The following GRAMD1B variants were observed in gnomAD, a reference collection of about 807,000 sequenced individuals.
GRAMD1B encodes the protein protein Aster-B.
A neutral mutation model predicts 99.7 loss-of-function variants in GRAMD1B; 37 were observed. The observed-to-expected ratio is 0.37, with a 90% CI of 0.29 to 0.49. The LOEUF is 0.49. Ranked by LOEUF, GRAMD1B falls within the 20% of genes least tolerant of loss-of-function variation. GRAMD1B has a pLI of 0.98. For synonymous variants in GRAMD1B, 427 were observed against 387.6 expected, an observed-to-expected ratio of 1.10 and a Z score of -1.19; for missense variants, 888 against 1,009.2, an observed-to-expected ratio of 0.88 and a Z score of 1.63.
intron 3 of GRAMD1B, among the ~76,000 whole-genome samples, chr11:123,582,610 A>G (rs894108615): frequency 1.3e-5 from 2 of 152,198 alleles, no homozygotes; most frequent in Admixed American, 6.5e-5. Context: ...GCTGCTCAGA[A>G]GCAGCCCCAC....
At chr11:123,411,408 A>C (rs1056476814) in intron 1 of GRAMD1B, among the ~76,000 whole-genome samples, 3 of 152,228 alleles carry the variant, frequency 2.0e-5, no homozygotes, top group African/African-American at 7.2e-5. Flanking sequence ...AATATCTGCA[A>C]CAGATAGCTA....
At position 123,608,773 on chromosome 11, in the gene GRAMD1B, G is replaced by C; in HGVS notation, c.1628G>C (p.Arg543Pro). The change falls in exon 12 of 20, where the codon CGG becomes CCG. Residue 543 changes from arginine to proline, a missense_variant. Arg to Pro is a moderately radical substitution (Grantham distance 103). Transcript: ENST00000635736. The stretch of plus-strand genomic sequence containing the variant: ...CTCTTCACCAACTCGCCCTTCCAGC[G>C]GGATTTCATGGAGCAGCGGCGCTTC... ...DLLFTNSPFQ[R>P]DFMEQRRFSD... 1 of 1,551,348 alleles carries C rather than the reference G, an allele frequency of 6.4e-7. No individual in the cohort carries two copies. Among genetic ancestry groups the C allele is most frequent in the Non-Finnish European group, 8.7e-7 (1 of 1,146,914 alleles).
intron 17 of GRAMD1B, among the ~76,000 whole-genome samples, chr11:123,616,120 G>A (rs1406848203): frequency 6.6e-6 from 1 of 152,094 alleles, no homozygotes; most frequent in Non-Finnish European, 1.5e-5. Context: ...TCAGGAGATC[G>A]AGACCATCCT....
intron 2 of GRAMD1B, among the ~76,000 whole-genome samples, chr11:123,574,894 T>C (rs1320468344): frequency 6.6e-6 from 1 of 151,826 alleles, no homozygotes; most frequent in Non-Finnish European, 1.5e-5. Context: ...GTAGCAAGAG[T>C]TGAGACAGTA....
chr11:123,535,816 A>C (rs2135612083), intron 2 of GRAMD1B, among the ~76,000 whole-genome samples: 1 of 152,278 alleles, frequency 6.6e-6, no homozygotes, highest in African/African-American at 2.4e-5. Flanking sequence ...CTCTTTTAAA[A>C]ATCTATGGCA....
At chr11:123,445,716 C>G (rs1949607338) in intron 1 of GRAMD1B, among the ~76,000 whole-genome samples, 1 of 147,786 alleles carries the variant, frequency 6.8e-6, no homozygotes, top group South Asian at 2.2e-4. Flanking sequence ...ACTCGGGAGG[C>G]TGAGGTGGAT....
intron 1 of GRAMD1B, among the ~76,000 whole-genome samples, chr11:123,467,432 TTG>T (rs1950743260): frequency 7.2e-6 from 1 of 138,946 alleles, no homozygotes; most frequent in Admixed American, 7.6e-5. Flanking sequence ...CTTTCACTGG[TTG>T]TGCCTAAATG....
chr11:123,490,450 A>G (rs1482161103), intron 2 of GRAMD1B, among the ~76,000 whole-genome samples: 1 of 152,202 alleles, frequency 6.6e-6, no homozygotes, highest in African/African-American at 2.4e-5. Flanking sequence ...ACGGGAGATG[A>G]CAGGATCAGA....
chr11:123,596,392 A>T (rs1354401059), intron 7 of GRAMD1B, among the ~76,000 whole-genome samples: 1 of 152,276 alleles, frequency 6.6e-6, no homozygotes, highest in African/African-American at 2.4e-5. Flanking sequence ...GAAAACATAT[A>T]TGAAAATTGT....
At chr11:123,535,400 AG>A (rs1178603350) in intron 2 of GRAMD1B, among the ~76,000 whole-genome samples, 2 of 152,124 alleles carry the variant, frequency 1.3e-5, no homozygotes, top group Non-Finnish European at 2.9e-5. Context: ...AAAACTGAAG[AG>A]GTGATGCTCT....
chr11:123,387,734 G>A (rs1015293097), intron 1 of GRAMD1B, among the ~76,000 whole-genome samples: 5 of 17,902 alleles, frequency 2.8e-4, no homozygotes, highest in East Asian at 2.9e-3. Flanking sequence ...CACCCGCCCC[G>A]CCCCACAAGT....
At chr11:123,501,349 T>G (rs1195245801) in intron 2 of GRAMD1B, among the ~76,000 whole-genome samples, 1 of 151,916 alleles carries the variant, frequency 6.6e-6, no homozygotes, top group Non-Finnish European at 1.5e-5. Context: ...TTTTTAATTT[T>G]TACTAGAGAT....
intron 3 of GRAMD1B, among the ~76,000 whole-genome samples, chr11:123,582,987 TGTGTGTGTGTGCATGCGCAA>T (rs1161274420): frequency 1.3e-5 from 2 of 151,814 alleles, no homozygotes; most frequent in African/African-American, 4.8e-5. Flanking sequence ...AGCTTAGGCA[TGTGTGTGTGTGCATGCGCAA>T]GTGTGTGCGT....
chr11:123,539,035 G>A (rs183861639), intron 2 of GRAMD1B, among the ~76,000 whole-genome samples: 8 of 151,820 alleles, frequency 5.3e-5, no homozygotes, highest in South Asian at 4.2e-4. Flanking sequence ...TCAGTACTTC[G>A]TTACTTTCTC....
chr11:123,599,478 G>A lies in GRAMD1B; in HGVS notation c.970-990G>A, dbSNP rs560563555. The A allele has an allele frequency of 1.7e-4, 102 of 597,800 alleles. No individual in the cohort carries two copies. The African/African-American group carries it at 1.7e-3, about 10-fold the overall frequency. The allele number at this position is 597,800 out of a possible 1,614,324, so 37.0% of individuals were successfully genotyped here. A position where few individuals can be genotyped will look rare whatever the true frequency, so the allele number is the denominator to read the frequency against. ...CTTCCCTTCACCACGGCCTCTCGTT[G>A]TTGCTGTTTTTTGAGGCGCAGTCTC... On this transcript the variant is annotated intron_variant, in intron 7 of 19. Coordinates refer to ENST00000635736, the MANE Select transcript of GRAMD1B (RefSeq NM_001387025.1).
intron 1 of GRAMD1B, among the ~76,000 whole-genome samples, chr11:123,452,635 G>A (rs1949939786): frequency 6.6e-6 from 1 of 151,808 alleles, no homozygotes. Flanking sequence ...GACAGAGTGA[G>A]ACTCTGTCTC....
chr11:123,599,015 G>A, intron 7 of GRAMD1B: 1 of 1,106,836 alleles, frequency 9.0e-7, no homozygotes, highest in South Asian at 1.2e-5. Context: ...TGTACTTGAG[G>A]CAACAGTCAT....
At chr11:123,512,701 A>ATTT (rs1276430790) in intron 2 of GRAMD1B, among the ~76,000 whole-genome samples, 1 of 111,750 alleles carries the variant, frequency 8.9e-6, no homozygotes, top group Non-Finnish European at 1.8e-5. Flanking sequence ...AGCATTGTGA[A>ATTT]TCTTTTTTTT....
chr11:123,476,187 AC>A (rs1185289000), intron 1 of GRAMD1B, among the ~76,000 whole-genome samples: 3 of 150,056 alleles, frequency 2.0e-5, no homozygotes, highest in Non-Finnish European at 3.0e-5. Flanking sequence ...TGCAACCTCC[AC>A]CTCCCAGGTT....
Sources: gnomAD v4.1 joint callset for allele counts (sites outside exome capture counted in the v4.1 genomes callset) on GRCh38, gnomAD v4.1.1 for gene constraint, MANE v1.5 for transcripts, NCBI Gene and HGNC (gene_info 2026-07-23, HGNC 2026-07-21) for gene names.